Variants in MYO1D observed in about 807,000 individuals in gnomAD.
The protein encoded by MYO1D is unconventional myosin-Id.
Under a neutral mutation model 122.0 loss-of-function variants are expected in MYO1D, and 83 were observed. The ratio of observed to expected loss-of-function variants is 0.68; its 90% CI spans 0.57 to 0.82. The LOEUF is 0.82. Among genes scored for constraint, MYO1D ranks in the 40% least tolerant of loss-of-function variants. The pLI is 0.00. For synonymous variants in MYO1D, 464 were observed against 446.9 expected (o/e 1.04, Z -0.48); for missense variants, 1,157 against 1,269.5 (o/e 0.91, Z 1.35).
At position 32,511,822 on chromosome 17, in the gene MYO1D, C is replaced by T. The variant is rs150239778; in HGVS notation, c.2865-16907G>A. Among the ~76,000 whole-genome samples the T allele has an allele frequency of 4.6e-3, 695 of 152,214 alleles. 11 individuals carry two copies. The highest frequency in any genetic ancestry group is 0.016 in the African/African-American group (666 of 41,522). Reference sequence around the variant, plus strand: ...GAACAGACGATTTTTAGTGGTTTGTCGGGAACGCCATTATATATTTGCTTA... The same window carrying T: ...GAACAGACGATTTTTAGTGGTTTGTTGGGAACGCCATTATATATTTGCTTA... On this transcript the variant is annotated intron_variant, in intron 21 of 21. Coordinates refer to ENST00000318217, the MANE Select transcript of MYO1D (RefSeq NM_015194.3).
At chr17:32,866,135 G>A (rs1456006047) in intron 1 of MYO1D, among the ~76,000 whole-genome samples, 1 of 152,136 alleles carries the variant, frequency 6.6e-6, no homozygotes, top group African/African-American at 2.4e-5. Context: ...TCCTGCCTCA[G>A]CCTCCCCAGT....
chr17:32,660,852 T>C (rs932428458), intron 16 of MYO1D, among the ~76,000 whole-genome samples: 1 of 152,200 alleles, frequency 6.6e-6, no homozygotes, highest in Non-Finnish European at 1.5e-5. Flanking sequence ...CTCCCTTCTT[T>C]AGCATCTTGA....
At chr17:32,693,072 A>G (rs2089124428) in intron 16 of MYO1D, among the ~76,000 whole-genome samples, 2 of 152,212 alleles carry the variant, frequency 1.3e-5, no homozygotes, top group South Asian at 4.1e-4. Context: ...CATCTTAACT[A>G]TAAGACCTTT....
intron 16 of MYO1D, 193 bp from the exon 17 acceptor site, chr17:32,659,531 T>C: frequency 5.0e-6 from 3 of 600,990 alleles, no homozygotes; most frequent in South Asian, 3.9e-5. Context: ...ATCAGTCATT[T>C]TGTTTCAGCT....
intron 14 of MYO1D, among the ~76,000 whole-genome samples, chr17:32,729,270 C>A (rs979719318): frequency 6.6e-6 from 1 of 152,186 alleles, no homozygotes; most frequent in Non-Finnish European, 1.5e-5. Context: ...TTGCTTTGAA[C>A]ACTGTCAAAT....
chr17:32,823,334 C>T (rs952744952), intron 1 of MYO1D, among the ~76,000 whole-genome samples: 9 of 152,078 alleles, frequency 5.9e-5, no homozygotes, highest in African/African-American at 1.9e-4. Flanking sequence ...ACAAGATCAG[C>T]CCAACTACTA....
chr17:32,703,444 TTTGC>T lies in MYO1D; in HGVS notation c.2121+8540_2121+8543del, dbSNP rs200506649. ...ACTTTATATATAAATTTTGATCCCT[TTTGC>T]TTGTTTTTTTTTTTTGAGATAGGGG... is the stretch of plus-strand genomic sequence containing the variant. On this transcript the variant is annotated intron_variant, in intron 16 of 21. Transcript: ENST00000318217. 1.3e-3 allele frequency among the ~76,000 whole-genome samples: 198 copies of T among 151,906 alleles called. 3 individuals are homozygous for T. The East Asian group carries it at 0.031, about 24-fold the overall frequency.
At chr17:32,727,466 T>C (rs1282598626) in intron 14 of MYO1D, 2 of 152,198 alleles carry the variant, frequency 1.3e-5, no homozygotes, top group Non-Finnish European at 1.5e-5. Context: ...CAGATGCAAT[T>C]TACTGACAGG....
chr17:32,694,071 A>G (rs933751791), intron 16 of MYO1D, among the ~76,000 whole-genome samples: 1 of 152,214 alleles, frequency 6.6e-6, no homozygotes, highest in South Asian at 2.1e-4. Flanking sequence ...ATGCTATTCT[A>G]ATAGCGCTGC....
chr17:32,703,655 G>T (rs904747298), intron 16 of MYO1D, among the ~76,000 whole-genome samples: 12 of 152,038 alleles, frequency 7.9e-5, no homozygotes, highest in African/African-American at 2.9e-4. Context: ...TACCAAAAAA[G>T]AAAGGAAGTT....
At chr17:32,754,321 A>C (rs1006470925) in intron 11 of MYO1D, among the ~76,000 whole-genome samples, 2 of 152,220 alleles carry the variant, frequency 1.3e-5, no homozygotes, top group Non-Finnish European at 2.9e-5. Flanking sequence ...GAAGATGAGA[A>C]GCACTTATTA....
chr17:32,812,758 A>G (rs2090583080), intron 1 of MYO1D, among the ~76,000 whole-genome samples: 1 of 152,236 alleles, frequency 6.6e-6, no homozygotes, highest in Non-Finnish European at 1.5e-5. Flanking sequence ...GCTTAGAAAC[A>G]GCAGCATGTT....
rs571854765 is a variant in MYO1D at position 32,590,557 on chromosome 17, C to CCG, written c.2864+14528_2864+14529dup. On this transcript the variant is annotated intron_variant, in intron 21 of 21. Coordinates refer to ENST00000318217, the MANE Select transcript of MYO1D (RefSeq NM_015194.3). ...TTCTTCTTGGTATCCCTCCTACCAC[C>CCG]CGCAGCCTGACCTGTGATGGGTGCT... Among the ~76,000 whole-genome samples the CCG allele has an allele frequency of 7.0e-4, 106 of 152,288 alleles. 1 individual carries two copies. The highest frequency in any genetic ancestry group is 2.6e-3 in the African/African-American group (106 of 41,554).
At chr17:32,626,256 C>A (rs1488907024) in intron 20 of MYO1D, among the ~76,000 whole-genome samples, 4 of 152,202 alleles carry the variant, frequency 2.6e-5, no homozygotes, top group African/African-American at 9.7e-5. Context: ...ATAAAGACAG[C>A]TGTCTAAAGG....
intron 1 of MYO1D, among the ~76,000 whole-genome samples, chr17:32,865,420 G>A (rs2091115349): frequency 6.6e-6 from 1 of 152,126 alleles, no homozygotes; most frequent in Non-Finnish European, 1.5e-5. Context: ...TGAACCTTGT[G>A]AATATACAGT....
Position 32,605,235 on chromosome 17 carries a change from C to A in MYO1D, c.2716G>T (p.Gly906Cys). 1 of 1,550,956 alleles carries A rather than the reference C, an allele frequency of 6.4e-7. No individual in the cohort carries two copies. The highest frequency in any genetic ancestry group is 8.8e-7 in the Non-Finnish European group (1 of 1,137,560). Residue 906 changes from glycine to cysteine, a missense_variant, in exon 21 of 22, where the codon GGT becomes TGT. Transcript: ENST00000318217. ...MKTIPLYNLT[G>C]LSVSNGKDQL... ...TCCTTTCCATTGGAGACACTCAGAC[C>A]AGTCAACTGCAAAGAGAAAATGCAT...
intron 16 of MYO1D, among the ~76,000 whole-genome samples, chr17:32,682,741 C>T (rs1315382303): frequency 1.7e-5 from 2 of 119,778 alleles, no homozygotes; most frequent in African/African-American, 7.1e-5. Flanking sequence ...AGTTGCTCTT[C>T]TCGAGGAGTA....
chr17:32,723,280 G>T (rs924997285), intron 14 of MYO1D, among the ~76,000 whole-genome samples: 1 of 152,178 alleles, frequency 6.6e-6, no homozygotes, highest in South Asian at 2.1e-4. Context: ...ACTTGCAGCT[G>T]GTGTCTGAAG....
intron 1 of MYO1D, among the ~76,000 whole-genome samples, chr17:32,854,170 GAA>G (rs1342115596): frequency 2.0e-5 from 3 of 152,168 alleles, no homozygotes; most frequent in Non-Finnish European, 2.9e-5. Flanking sequence ...TCACTCCACG[GAA>G]AGTTTCTTTT....
Sources: allele counts gnomAD v4.1 joint callset (sites outside exome capture counted in the v4.1 genomes callset), GRCh38; gene constraint gnomAD v4.1.1; transcripts MANE v1.5; gene names NCBI Gene and HGNC (gene_info 2026-07-23, HGNC 2026-07-21).